The following RAD54L2 variants were observed in gnomAD, a reference collection of about 807,000 sequenced individuals.
The protein encoded by RAD54L2 is helicase ARIP4.
RAD54L2 carries 27 observed loss-of-function variants against 138.4 expected under a neutral mutation model. The ratio of observed to expected loss-of-function variants is 0.20; its 90% CI spans 0.14 to 0.27. The LOEUF (loss-of-function observed/expected upper bound fraction) is 0.27, where lower values mean the gene tolerates loss of function less well. Ranked by LOEUF, RAD54L2 falls within the 10% of genes least tolerant of loss-of-function variation. The probability of loss-of-function intolerance (pLI) is 1.00; values close to 1 mark genes in which losing one functional copy is unlikely to be tolerated. For missense variants in RAD54L2, 1,396 were observed against 1,890.2 expected, an observed-to-expected ratio of 0.74 and a Z score of 4.85; for synonymous variants, 644 against 723.2, an observed-to-expected ratio of 0.89 and a Z score of 1.76.
At position 51,665,351 on chromosome 3, in the gene RAD54L2, C is replaced by G. The variant is rs1439161757; in HGVS notation, c.*1931C>G. On this transcript the variant is annotated 3_prime_UTR_variant, in exon 23 of 23. Coordinates refer to ENST00000684192, the MANE Select transcript of RAD54L2 (RefSeq NM_015106.4). ...TAGTAGCTCCTACAGCTCTTCTGACCAGCCCATTTCCATCTTTGGAGGGCC... is the reference window on the plus strand; with the variant it reads ...TAGTAGCTCCTACAGCTCTTCTGACGAGCCCATTTCCATCTTTGGAGGGCC... 6.6e-6 allele frequency: 1 copy of G among 152,160 alleles called. No homozygotes were observed. Among genetic ancestry groups the G allele is most frequent in the African/African-American group, 2.4e-5 (1 of 41,424 alleles). The allele number at this position is 152,160 out of a possible 1,614,324, so 9.4% of individuals were successfully genotyped here.
In RAD54L2 at chr3:51,662,515, C is replaced by G. The variant is rs1453475361; in HGVS notation, c.3499C>G (p.Pro1167Ala). ...CCCCGACCCTGAGGGGCTGGCCAGG[C>G]CCGTCTCTCCTGACAGCCCAGAGAT... ...KAPDPEGLAR[P>A]VSPDSPEIIS... Residue 1167 changes from proline (P) to alanine (A), a missense_variant, in exon 23 of 23, where the codon CCC (proline) becomes GCC (alanine). This residue lies in a region of RAD54L2 where 634 missense variants were observed against 711.2 expected (regional missense o/e 0.89). Transcript: ENST00000684192. This position sits in a 1 kb window ranked among gnomAD's most constrained non-coding sequence, Gnocchi z 4.6. 1.1e-5 allele frequency: 18 copies of G among 1,612,808 alleles called. No homozygotes were observed. The highest frequency in any genetic ancestry group is 1.5e-5 in the Non-Finnish European group (18 of 1,179,332).
chr3:51,584,110 T>C (rs1699664184), intron 2 of RAD54L2, among the ~76,000 whole-genome samples: 1 of 152,244 alleles, frequency 6.6e-6, no homozygotes, highest in African/African-American at 2.4e-5. Flanking sequence ...CCCAAAGTCA[T>C]TTAGCTAGTT....
intron 18 of RAD54L2, among the ~76,000 whole-genome samples, 154 bp from the exon 19 acceptor site, chr3:51,646,131 A>G (rs897919042): frequency 1.3e-5 from 2 of 152,118 alleles, no homozygotes; most frequent in Admixed American, 1.3e-4. Flanking sequence ...TATAAATTGT[A>G]CTCTTGACAG....
In RAD54L2 at chr3:51,634,043, G is replaced by A. The variant is rs200135857; in HGVS notation, c.1142+8G>A. ...CTTGAATGATGAGCACAAGTAGGTG[G>A]CCTGCCCTTTCCTCTCTGCCCCTTT... On this transcript the variant is annotated splice_region_variant and intron_variant, in intron 9 of 22. Transcript: ENST00000684192. 6.2e-7 allele frequency: 1 copy of A among 1,612,222 alleles called. No individual in the cohort carries two copies.
intron 2 of RAD54L2, among the ~76,000 whole-genome samples, chr3:51,573,286 G>A (rs1699382821): frequency 6.6e-6 from 1 of 152,056 alleles, no homozygotes; most frequent in Admixed American, 6.6e-5. Flanking sequence ...AGTTCCTGCT[G>A]TGCTCAGAGG....
At chr3:51,588,680 T>C (rs1166669148) in intron 2 of RAD54L2, among the ~76,000 whole-genome samples, 2 of 152,168 alleles carry the variant, frequency 1.3e-5, no homozygotes, top group Non-Finnish European at 2.9e-5. Context: ...ACCATGGTTT[T>C]TATTTTTTTA....
chr3:51,596,952 G>A (rs1235585191), intron 3 of RAD54L2, among the ~76,000 whole-genome samples: 1 of 152,120 alleles, frequency 6.6e-6, no homozygotes, highest in Non-Finnish European at 1.5e-5. Context: ...ATCAGTTGAG[G>A]TCAGGAGTTC....
At chr3:51,641,330 T>C (rs1290659103) in intron 14 of RAD54L2, among the ~76,000 whole-genome samples, 1 of 145,892 alleles carries the variant, frequency 6.9e-6, no homozygotes, top group African/African-American at 2.6e-5. Flanking sequence ...TTTTTTTTTT[T>C]TCTCCTGAGA....
At position 51,639,883 on chromosome 3, in the gene RAD54L2, C is replaced by T. The variant is rs77741614; in HGVS notation, c.2115C>T (p.Ala705=). The T allele has an allele frequency of 7.2e-5, 115 of 1,598,030 alleles. No individual in the cohort carries two copies. In the East Asian group the frequency reaches 2.1e-3, roughly 29 times the overall value. The change falls in exon 14 of 23, where the codon GCC becomes GCT. Residue 705 remains alanine, a splice_region_variant and synonymous_variant. Transcript: ENST00000684192. The stretch of plus-strand genomic sequence containing the variant: ...GCTGCCTTGTTTCTCTCTTGCAGGC[C>T]AAGGACCTTCTGACTAATTACCAGA... The part of the protein sequence containing the change: ...RGNNIVTYEW[A]KDLLTNYQTG...
chr3:51,595,525 G>C (rs561740003), intron 3 of RAD54L2, among the ~76,000 whole-genome samples: 19 of 152,312 alleles, frequency 1.2e-4, no homozygotes, highest in African/African-American at 4.6e-4. Flanking sequence ...GGTACAATAA[G>C]TCAGGCCATT....
chr3:51,607,222 G>C (rs1700206032), intron 3 of RAD54L2, among the ~76,000 whole-genome samples: 1 of 151,664 alleles, frequency 6.6e-6, no homozygotes, highest in African/African-American at 2.4e-5. Flanking sequence ...GTGAACAAAG[G>C]TCTCTGGTTT....
chr3:51,577,508 G>A (rs1361111890), intron 2 of RAD54L2, among the ~76,000 whole-genome samples: 1 of 152,144 alleles, frequency 6.6e-6, no homozygotes, highest in Non-Finnish European at 1.5e-5. Context: ...CTAAGGACTT[G>A]CTTTATGAAT....
intron 7 of RAD54L2, among the ~76,000 whole-genome samples, chr3:51,633,230 A>G (rs1700893755): frequency 6.6e-6 from 1 of 152,180 alleles, no homozygotes; most frequent in Non-Finnish European, 1.5e-5. Flanking sequence ...AAAAACAACA[A>G]CAAAAACAAA....
intron 3 of RAD54L2, among the ~76,000 whole-genome samples, chr3:51,593,719 T>C (rs1022480648): frequency 6.6e-6 from 1 of 152,242 alleles, no homozygotes; most frequent in Non-Finnish European, 1.5e-5. Flanking sequence ...CACAAGCATG[T>C]GAACAATCTT....
In RAD54L2 at chr3:51,641,966, A is replaced by G. The variant is rs1701148576; in HGVS notation, c.2350+99A>G. 12 of 850,300 alleles carry G rather than the reference A, an allele frequency of 1.4e-5. No individual in the cohort carries two copies. In the East Asian group the frequency reaches 2.7e-4, roughly 19 times the overall value. The allele number at this position is 850,300 out of a possible 1,614,324, so 52.7% of individuals were successfully genotyped here. ...TCTCTTTCTCCACTCCATCAAATGCATAGGAATATTTGTGATTAGTCAAGG... is the reference window on the plus strand; with the variant it reads ...TCTCTTTCTCCACTCCATCAAATGCGTAGGAATATTTGTGATTAGTCAAGG... On this transcript the variant is annotated intron_variant, in intron 15 of 22. Coordinates refer to ENST00000684192, the MANE Select transcript of RAD54L2 (RefSeq NM_015106.4).
At chr3:51,583,411 G>A (rs370156282) in intron 2 of RAD54L2, among the ~76,000 whole-genome samples, 1 of 151,712 alleles carries the variant, frequency 6.6e-6, no homozygotes, top group Non-Finnish European at 1.5e-5. Flanking sequence ...TCTGATAAGT[G>A]GTAGCTTCTT....
In RAD54L2 at chr3:51,663,678, GC is replaced by G. The variant is rs202135299; in HGVS notation, c.*259del. The G allele has an allele frequency of 4.3e-3, 2,009 of 464,454 alleles. 10 individuals carry two copies. Among genetic ancestry groups the G allele is most frequent in the Non-Finnish European group, 5.6e-3 (1,460 of 262,276 alleles). 28.8% of individuals were successfully genotyped at this position (464,454 alleles called of 1,614,324 possible). ...CCCAAAACAGGGATGGAGGGGCAGT[GC>G]AGCCTCTTTTCCTTCCTGCCTTGCT... On this transcript the variant is annotated 3_prime_UTR_variant, in exon 23 of 23. Coordinates refer to ENST00000684192, the MANE Select transcript of RAD54L2 (RefSeq NM_015106.4).
Position 51,662,342 on chromosome 3 carries a change from G to A in RAD54L2, c.3410-84G>A, listed in dbSNP as rs371281991. The A allele has an allele frequency of 1.2e-5, 16 of 1,328,518 alleles. No homozygotes were observed. The African/African-American group carries it at 2.1e-4, about 17-fold the overall frequency. The allele number at this position is 1,328,518 out of a possible 1,614,324, so 82.3% of individuals were successfully genotyped here. A position where few individuals can be genotyped will look rare whatever the true frequency, so the allele number is the denominator to read the frequency against. On this transcript the variant is annotated intron_variant, in intron 22 of 22. Transcript: ENST00000684192. The surrounding 1 kb of genome is among the most constrained non-coding windows in gnomAD (Gnocchi z 4.6). ...TAGAATTTTGGGGACTACAGGACAG[G>A]ATTTTTTTTAATGGAGTTTTCTCCT...
chr3:51,636,042 T>G (rs960957980), intron 10 of RAD54L2, among the ~76,000 whole-genome samples: 2 of 152,206 alleles, frequency 1.3e-5, no homozygotes, highest in Non-Finnish European at 2.9e-5. Flanking sequence ...TGTTCGTCTA[T>G]CCCTGTTTCT....
Sources: gnomAD v4.1 joint callset for allele counts (sites outside exome capture counted in the v4.1 genomes callset) on GRCh38, gnomAD v4.1.1 for gene constraint, gnomAD v4.1.1 regional missense constraint, Gnocchi (gnomAD v3.1) non-coding constraint, MANE v1.5 for transcripts, NCBI Gene and HGNC (gene_info 2026-07-23, HGNC 2026-07-21) for gene names.